The following CATSPER2 variants were observed in gnomAD, a reference collection of about 807,000 sequenced individuals.
CATSPER2 encodes the protein cation channel sperm associated 2.
A neutral mutation model predicts 68.8 loss-of-function variants in CATSPER2; 56 were observed. That is an observed-to-expected ratio of 0.81 (90% CI 0.66 to 1.02). The LOEUF (loss-of-function observed/expected upper bound fraction) is 1.02, where lower values mean the gene tolerates loss of function less well. Ranked by LOEUF, CATSPER2 falls within the 50% of genes least tolerant of loss-of-function variation. The pLI, the probability that CATSPER2 is intolerant of heterozygous loss-of-function variation, is 0.00. For missense variants in CATSPER2, 582 were observed against 642.0 expected (o/e 0.91, Z 1.01); for synonymous variants, 198 against 229.9 (o/e 0.86, Z 1.26).
Position 43,638,674 on chromosome 15 carries a change from T to C in CATSPER2, c.842+230A>G, listed in dbSNP as rs1046431901. Among the ~76,000 whole-genome samples, 21 of 151,882 alleles carry C rather than the reference T, an allele frequency of 1.4e-4. 1 individual carries two copies. Among genetic ancestry groups the C allele is most frequent in the African/African-American group, 5.1e-4 (21 of 41,344 alleles). On this transcript the variant is annotated intron_variant, in intron 7 of 12. Transcript: ENST00000396879. Reference sequence around the variant, plus strand: ...TATTTAAAGATGCCTGATGACAGTGTGGTTTGAATTTGCAAAACCCAGAAT... The same window carrying C: ...TATTTAAAGATGCCTGATGACAGTGCGGTTTGAATTTGCAAAACCCAGAAT...
chr15:43,640,577 A>T, intron 4 of CATSPER2, 81 bp from the exon 5 acceptor site: 1 of 1,587,568 alleles, frequency 6.3e-7, no homozygotes, highest in East Asian at 2.2e-5. Flanking sequence ...CTTATAAACC[A>T]CAGTTTTGCC....
Position 43,632,368 on chromosome 15 carries a change from A to G in CATSPER2, c.1397-5T>C. ...GAGTCTCCCAGTCCAAACGACCTGC[A>G]GGGAGGAATGCTTCAGAAAAGCACG... On this transcript the variant is annotated splice_region_variant and splice_polypyrimidine_tract_variant and intron_variant, in intron 11 of 12. Coordinates refer to ENST00000396879, the MANE Select transcript of CATSPER2 (RefSeq NM_172095.4). 9 of 1,613,352 alleles carry G rather than the reference A, an allele frequency of 5.6e-6. 1 individual carries two copies. Among genetic ancestry groups the G allele is most frequent in the Non-Finnish European group, 5.9e-6 (7 of 1,179,678 alleles).
intron 7 of CATSPER2, among the ~76,000 whole-genome samples, chr15:43,636,542 C>A (rs2085967975): frequency 6.6e-6 from 1 of 151,644 alleles, no homozygotes; most frequent in African/African-American, 2.4e-5. Flanking sequence ...AGGCATGCAC[C>A]ACCACGCCCA....
chr15:43,647,886 A>G, intron 2 of CATSPER2, 31 bp downstream of exon 2: 1 of 1,611,226 alleles, frequency 6.2e-7, no homozygotes, highest in Non-Finnish European at 8.5e-7. Context: ...GGAGTCTTAA[A>G]TTTAAATTAG....
intron 7 of CATSPER2, among the ~76,000 whole-genome samples, chr15:43,638,506 C>T (rs1277807747): frequency 6.6e-6 from 1 of 151,540 alleles, no homozygotes; most frequent in Non-Finnish European, 1.5e-5. Context: ...CTAGGATGGT[C>T]TCGATCTCTT....
At chr15:43,630,764 G>A (rs1326819433) in intron 12 of CATSPER2, 32 bp from the exon 13 acceptor site, 1 of 1,612,008 alleles carries the variant, frequency 6.2e-7, no homozygotes, top group East Asian at 2.2e-5. Context: ...AGGCTGGAGA[G>A]CTAAGAATAT....
rs374873510 is a variant in CATSPER2 at position 43,632,170 on chromosome 15, T to C, written c.1561+29A>G. 19 of 1,607,708 alleles carry C rather than the reference T, an allele frequency of 1.2e-5. No individual in the cohort carries two copies. The African/African-American group carries it at 1.5e-4, about 12-fold the overall frequency. On this transcript the variant is annotated intron_variant, in intron 12 of 12. Transcript: ENST00000396879. ...TATAAACGCTATATATATATTCCCA[T>C]GGTCCCCATGACTGCCCTAACTCCA...
Position 43,638,805 on chromosome 15 carries a change from G to A in CATSPER2, c.842+99C>T. The stretch of plus-strand genomic sequence containing the variant: ...TATTGTGTTCTATTTCAGTTTCTTG[G>A]AATAGACTGCACTTTTTATATTACT... On this transcript the variant is annotated intron_variant, in intron 7 of 12. Transcript: ENST00000396879. 5.0e-6 allele frequency: 7 copies of A among 1,405,204 alleles called. No homozygotes were observed. In the Admixed American group the frequency reaches 1.2e-4, roughly 24 times the overall value. 87.0% of individuals were successfully genotyped at this position (1,405,204 alleles called of 1,614,324 possible). A position where few individuals can be genotyped will look rare whatever the true frequency, so the allele number is the denominator to read the frequency against.
rs770194711 is a variant in CATSPER2 at position 43,632,823 on chromosome 15, T to C, written c.1290A>G (p.Thr430=). The C allele has an allele frequency of 2.5e-6, 4 of 1,613,748 alleles. No individual in the cohort carries two copies. The highest frequency in any genetic ancestry group is 2.5e-6 in the Non-Finnish European group (3 of 1,179,838). ...EEDLITSASK[T]EETLSKKREY... ...CTCTCTTTTTTGACAAGGTCTCTTC[T>C]GTTTTTGATGCAGATGTTATTAAAT... The change falls in exon 11 of 13, where the codon ACA becomes ACG. Residue 430 remains threonine, a synonymous_variant. Coordinates refer to ENST00000396879, the MANE Select transcript of CATSPER2 (RefSeq NM_172095.4).
At chr15:43,639,904 T>C in intron 5 of CATSPER2, 106 bp from the exon 6 acceptor site, 4 of 1,602,108 alleles carry the variant, frequency 2.5e-6, no homozygotes, top group Non-Finnish European at 3.4e-6. Context: ...CGTTATCCCT[T>C]GAATAGCATT....
intron 5 of CATSPER2, chr15:43,640,111 C>A (rs2086046041): frequency 6.9e-7 from 1 of 1,441,140 alleles, no homozygotes; most frequent in South Asian, 1.5e-5. Context: ...CCGGCAGATG[C>A]TCTTGTTGGC....
chr15:43,631,603 T>C, intron 12 of CATSPER2: 1 of 291,272 alleles, frequency 3.4e-6, no homozygotes, highest in Non-Finnish European at 7.4e-6. Flanking sequence ...GAAAAATAAC[T>C]TTGAATAGAT....
chr15:43,647,489 G>A (rs2086192010), intron 2 of CATSPER2, 22 bp from the exon 3 acceptor site: 2 of 1,609,160 alleles, frequency 1.2e-6, no homozygotes, highest in South Asian at 1.1e-5. Context: ...ATTAAAAAGG[G>A]ATAGTGGATA....
At chr15:43,647,643 A>G (rs574420233) in intron 2 of CATSPER2, among the ~76,000 whole-genome samples, 176 bp from the exon 3 acceptor site, 2 of 152,070 alleles carry the variant, frequency 1.3e-5, no homozygotes, top group East Asian at 3.9e-4. Context: ...ATTGCTTATG[A>G]CCAACACTGT....
chr15:43,641,211 G>A (rs2086068139), intron 4 of CATSPER2, among the ~76,000 whole-genome samples: 1 of 151,182 alleles, frequency 6.6e-6, no homozygotes, highest in Non-Finnish European at 1.5e-5. Flanking sequence ...CCACCTCCGG[G>A]GTTCAAGCAA....
intron 4 of CATSPER2, among the ~76,000 whole-genome samples, chr15:43,641,156 G>A (rs2086066884): frequency 6.8e-6 from 1 of 146,520 alleles, no homozygotes; most frequent in Non-Finnish European, 1.5e-5. Context: ...CGCTCTTGTT[G>A]CCCAGGCTGG....
chr15:43,632,209 T>A lies in CATSPER2; in HGVS notation c.1551A>T (p.Gln517His), dbSNP rs1366472893. The A allele has an allele frequency of 6.2e-7, 1 of 1,613,566 alleles. No individual in the cohort carries two copies. The highest frequency in any genetic ancestry group is 8.5e-7 in the Non-Finnish European group (1 of 1,179,672). The change falls in exon 12 of 13, where the codon CAA becomes CAT. Residue 517 changes from glutamine to histidine, a missense_variant. Gln to His is a conservative substitution (Grantham distance 24). Coordinates refer to ENST00000396879, the MANE Select transcript of CATSPER2 (RefSeq NM_172095.4). Reference protein sequence around the residue: ...QYNLEERKKLQEFAVQALMNL... With the variant: ...QYNLEERKKLHEFAVQALMNL... ...GCCCTAACTCCATACCTGCAAACTC[T>A]TGTAACTTCTTACGTTCCTCTAGGT...
chr15:43,638,942 A>G lies in CATSPER2; in HGVS notation c.804T>C (p.Arg268=). The G allele has an allele frequency of 6.2e-7, 1 of 1,613,176 alleles. No individual in the cohort carries two copies. Residue 268 remains arginine (R), a synonymous_variant, in exon 7 of 13, where the codon CGT becomes CGC. Transcript: ENST00000396879. Reference sequence around the variant, plus strand: ...GGTACTCCAGGTCCTGACGAGGTGAACGGGTGTACTCTGAGAAGACGTAGA... The same window carrying G: ...GGTACTCCAGGTCCTGACGAGGTGAGCGGGTGTACTCTGAGAAGACGTAGA... ...TGVYVFSEYT[R]SPRQDLEYHV... is the part of the protein sequence containing the mutation.
chr15:43,642,693 A>C (rs1168558655), intron 4 of CATSPER2: 6 of 129,036 alleles, frequency 4.6e-5, no homozygotes, highest in Admixed American at 1.7e-4. Flanking sequence ...TAGTTTAAGT[A>C]GGGAAGTCCA....
Sources: allele counts gnomAD v4.1 joint callset (sites outside exome capture counted in the v4.1 genomes callset), GRCh38; gene constraint gnomAD v4.1.1; transcripts MANE v1.5; gene names NCBI Gene and HGNC (gene_info 2026-07-23, HGNC 2026-07-21).